Variants in ANO6 observed in about 807,000 individuals in gnomAD.
The protein encoded by ANO6 is anoctamin 6, also known as anoctamin-6.
In ANO6, 106 loss-of-function variants were observed where a neutral mutation model predicts 117.5. The observed-to-expected ratio is 0.90, with a 90% CI of 0.77 to 1.06. ANO6 has a LOEUF of 1.06. Among genes scored for constraint, ANO6 ranks in the 50% least tolerant of loss-of-function variants. ANO6 has a pLI of 0.00. For missense variants in ANO6, 955 were observed against 1,121.1 expected, an observed-to-expected ratio of 0.85 and a Z score of 2.12; for synonymous variants, 367 against 385.1, an observed-to-expected ratio of 0.95 and a Z score of 0.55.
chr12:45,381,970 G>A (rs1049022406), intron 10 of ANO6, among the ~76,000 whole-genome samples: 5 of 151,652 alleles, frequency 3.3e-5, no homozygotes, highest in Non-Finnish European at 5.9e-5. Flanking sequence ...ATCACACTCC[G>A]ATTTTAAAGA....
intron 1 of ANO6, among the ~76,000 whole-genome samples, chr12:45,288,260 T>C (rs1938981821): frequency 6.6e-6 from 1 of 152,220 alleles, no homozygotes; most frequent in Non-Finnish European, 1.5e-5. Context: ...CTTACCATTT[T>C]AACCATTAAG....
In ANO6 at chr12:45,421,041, C is replaced by CTCTTTGTT. The variant is rs755963981; in HGVS notation, c.2218-30_2218-29insTCTTTGTT. ...TCTCAAAAACAAAAAACTATAACTT[C>CTCTTTGTT]ATTTTCGCTTTGTTTTTCTCCCAAA... is the stretch of plus-strand genomic sequence containing the variant. On this transcript the variant is annotated intron_variant, in intron 17 of 19. Coordinates refer to ENST00000320560, the MANE Select transcript of ANO6 (RefSeq NM_001025356.3). 4.1e-5 allele frequency: 66 copies of CTCTTTGTT among 1,610,462 alleles called. 1 individual carries two copies.
intron 1 of ANO6, among the ~76,000 whole-genome samples, chr12:45,218,654 A>G (rs948873534): frequency 1.3e-5 from 2 of 152,134 alleles, no homozygotes; most frequent in Admixed American, 6.5e-5. Flanking sequence ...ATGCCTTTAC[A>G]AAAGAATAAG....
chr12:45,377,037 A>G (rs1278719475), intron 9 of ANO6, among the ~76,000 whole-genome samples: 1 of 152,170 alleles, frequency 6.6e-6, no homozygotes, highest in Non-Finnish European at 1.5e-5. Flanking sequence ...TACATAGATG[A>G]AGGTTTATCC....
chr12:45,259,620 TTCCACC>T (rs1289785906), intron 1 of ANO6, among the ~76,000 whole-genome samples: 4 of 152,196 alleles, frequency 2.6e-5, no homozygotes, highest in African/African-American at 9.6e-5. Flanking sequence ...GCACACGCTT[TTCCACC>T]TCCTTTCAGC....
At chr12:45,319,343 C>T (rs1426213124) in intron 2 of ANO6, among the ~76,000 whole-genome samples, 7 of 152,132 alleles carry the variant, frequency 4.6e-5, no homozygotes, top group African/African-American at 1.2e-4. Flanking sequence ...TGAATTTTGT[C>T]GAAGGCCTTT....
intron 3 of ANO6, among the ~76,000 whole-genome samples, chr12:45,339,499 T>C (rs1308347358): frequency 6.6e-6 from 1 of 152,178 alleles, no homozygotes; most frequent in Non-Finnish European, 1.5e-5. Flanking sequence ...TTTTGTGATT[T>C]GATTTAAAAG....
At chr12:45,374,029 C>G (rs569489894) in intron 9 of ANO6, among the ~76,000 whole-genome samples, 1 of 151,890 alleles carries the variant, frequency 6.6e-6, no homozygotes, top group African/African-American at 2.4e-5. Flanking sequence ...ATATCACCGC[C>G]GATCCCACAG....
chr12:45,397,650 C>A (rs913559179), intron 12 of ANO6, among the ~76,000 whole-genome samples: 3 of 152,072 alleles, frequency 2.0e-5, no homozygotes, highest in African/African-American at 7.3e-5. Flanking sequence ...GAATACTATG[C>A]AGCCATAAAA....
intron 17 of ANO6, among the ~76,000 whole-genome samples, chr12:45,420,148 G>A (rs79879983): frequency 0.031 from 4,664 of 152,072 alleles, 93 homozygotes; most frequent in African/African-American, 0.057. Flanking sequence ...AACAAATCAG[G>A]TCATGGTTTG....
chr12:45,354,993 CT>C (rs1432664348), intron 7 of ANO6, among the ~76,000 whole-genome samples: 5 of 152,070 alleles, frequency 3.3e-5, no homozygotes, highest in Non-Finnish European at 4.4e-5. Flanking sequence ...ATAAACAGCA[CT>C]TCTCGCATGT....
chr12:45,331,181 A>G, intron 2 of ANO6, 114 bp from the exon 3 acceptor site: 1 of 878,440 alleles, frequency 1.1e-6, no homozygotes, highest in Non-Finnish European at 1.8e-6. Flanking sequence ...GCTAACTAGT[A>G]GTGGATGTAT....
chr12:45,281,005 T>C (rs751815076), intron 1 of ANO6, among the ~76,000 whole-genome samples: 1 of 152,140 alleles, frequency 6.6e-6, no homozygotes, highest in Non-Finnish European at 1.5e-5. Context: ...CACCTATGCC[T>C]CTCTCCATCA....
chr12:45,429,918 A>C lies in ANO6; in HGVS notation c.*607A>C. 1 of 989,698 alleles carries C rather than the reference A, an allele frequency of 1.0e-6. No individual in the cohort carries two copies. The highest frequency in any genetic ancestry group is 4.6e-5 in the South Asian group (1 of 21,668). The allele number at this position is 989,698 out of a possible 1,614,324, so 61.3% of individuals were successfully genotyped here. ...GAGCATGTCTTTCCATCTCAAAAAA[A>C]TACTCTTAGTAGGTTGGAGTGAAGA... On this transcript the variant is annotated 3_prime_UTR_variant, in exon 20 of 20. Transcript: ENST00000320560.
chr12:45,406,572 AAATAAGTATACTTATTTATAT>A (rs1454456185), intron 15 of ANO6, among the ~76,000 whole-genome samples: 5 of 152,084 alleles, frequency 3.3e-5, no homozygotes, highest in African/African-American at 1.2e-4. Flanking sequence ...CTTCTTATAT[AAATAAGTATACTTATTTATAT>A]AATAAGAAAA....
chr12:45,376,964 G>C (rs1277959750), intron 9 of ANO6, among the ~76,000 whole-genome samples: 1 of 152,022 alleles, frequency 6.6e-6, no homozygotes, highest in African/African-American at 2.4e-5. Context: ...GACGATTGAG[G>C]GGGCCTTGAA....
chr12:45,389,248 T>G (rs1369204440), intron 11 of ANO6, among the ~76,000 whole-genome samples: 3 of 152,218 alleles, frequency 2.0e-5, no homozygotes, highest in Non-Finnish European at 4.4e-5. Context: ...CAGTAGAAAG[T>G]GACATTTGTC....
At chr12:45,353,404 A>G (rs1486102808) in intron 7 of ANO6, among the ~76,000 whole-genome samples, 1 of 152,220 alleles carries the variant, frequency 6.6e-6, no homozygotes, top group East Asian at 1.9e-4. Context: ...ATTTCCTTTT[A>G]TGTTAAACCA....
At position 45,216,160 on chromosome 12, in the gene ANO6, C is replaced by T; in HGVS notation, c.-162C>T. ...GCTCTGGGCTCCGGTCGGTGGGTGC[C>T]TCGGCTCGGCTTTCCCCGGCGCTGG... On this transcript the variant is annotated 5_prime_UTR_variant, in exon 1 of 20. Transcript: ENST00000320560. 2.6e-6 allele frequency: 2 copies of T among 776,598 alleles called. No individual in the cohort carries two copies. The highest frequency in any genetic ancestry group is 1.7e-5 in the South Asian group (1 of 58,128). The allele number at this position is 776,598 out of a possible 1,614,324, so 48.1% of individuals were successfully genotyped here.
Sources: allele counts gnomAD v4.1 joint callset (sites outside exome capture counted in the v4.1 genomes callset), GRCh38; gene constraint gnomAD v4.1.1; transcripts MANE v1.5; gene names NCBI Gene and HGNC (gene_info 2026-07-23, HGNC 2026-07-21).